RANBP17: variants seen among roughly 807,000 people sequenced by gnomAD.
The protein encoded by RANBP17 is RAN binding protein 17.
Under a neutral mutation model 141.2 loss-of-function variants are expected in RANBP17, and 158 were observed. The observed-to-expected ratio is 1.12, with a 90% CI of 0.98 to 1.28. The LOEUF is 1.28. Among genes scored for constraint, RANBP17 ranks in the 50% most tolerant of loss-of-function variants. The pLI is 0.00. For missense variants in RANBP17, 1,438 were observed against 1,290.7 expected, an observed-to-expected ratio of 1.11 and a Z score of -1.75; for synonymous variants, 430 against 450.0, an observed-to-expected ratio of 0.96 and a Z score of 0.56.
intron 24 of RANBP17, among the ~76,000 whole-genome samples, chr5:171,251,508 G>A (rs1228021016): frequency 6.6e-6 from 1 of 150,620 alleles, no homozygotes; most frequent in Admixed American, 6.6e-5. Flanking sequence ...ACACGCTCCC[G>A]GATAATCATT....
At chr5:170,862,670 GCGCGGGCGCGGA>G (rs936879637) in intron 1 of RANBP17, among the ~76,000 whole-genome samples, 1 of 152,170 alleles carries the variant, frequency 6.6e-6, no homozygotes, top group African/African-American at 2.4e-5. Flanking sequence ...CCGGGCGCGG[GCGCGGGCGCGGA>G]CGCGAGGATC....
At chr5:170,927,833 A>G (rs547077418) in intron 12 of RANBP17, among the ~76,000 whole-genome samples, 1 of 152,178 alleles carries the variant, frequency 6.6e-6, no homozygotes, top group African/African-American at 2.4e-5. Context: ...TGTTATTAAC[A>G]TTTTTAGACA....
chr5:171,224,921 C>T (rs1214396323), intron 22 of RANBP17, among the ~76,000 whole-genome samples: 2 of 152,150 alleles, frequency 1.3e-5, no homozygotes, highest in African/African-American at 4.8e-5. Context: ...TTAATATGAC[C>T]TTGGTTAAGT....
intron 5 of RANBP17, 157 bp downstream of exon 5, chr5:170,896,272 C>A: frequency 3.5e-6 from 2 of 575,348 alleles, no homozygotes; most frequent in South Asian, 2.4e-5. Flanking sequence ...TATTGATGGG[C>A]TAATTAAGTG....
At chr5:171,122,403 A>G (rs1231013881) in intron 14 of RANBP17, among the ~76,000 whole-genome samples, 1 of 152,182 alleles carries the variant, frequency 6.6e-6, no homozygotes, top group Non-Finnish European at 1.5e-5. Context: ...ATGGCTGACT[A>G]CAGGTGCCCT....
chr5:170,905,898 A>C (rs1771038613), intron 5 of RANBP17, among the ~76,000 whole-genome samples: 1 of 152,140 alleles, frequency 6.6e-6, no homozygotes, highest in Non-Finnish European at 1.5e-5. Flanking sequence ...TTAGATTATC[A>C]CTGAAATAAG....
intron 7 of RANBP17, 175 bp downstream of exon 7, chr5:170,911,309 T>C: frequency 1.6e-6 from 1 of 609,916 alleles, no homozygotes; most frequent in Non-Finnish European, 2.9e-6. Context: ...TAATTCATAT[T>C]ATAGTAACTT....
At chr5:171,065,954 G>A (rs752140134) in intron 14 of RANBP17, among the ~76,000 whole-genome samples, 14 of 151,686 alleles carry the variant, frequency 9.2e-5, no homozygotes, top group South Asian at 4.2e-4. Context: ...TCTGCCTCCC[G>A]GGTTCAAGTG....
Position 171,004,175 on chromosome 5 carries a change from G to A in RANBP17, c.1710+35798G>A, listed in dbSNP as rs574950210. Among the ~76,000 whole-genome samples, 32 of 152,160 alleles carry A rather than the reference G, an allele frequency of 2.1e-4. No individual in the cohort carries two copies. In the South Asian group the frequency reaches 6.2e-3, roughly 30 times the overall value. On this transcript the variant is annotated intron_variant, in intron 14 of 27. Coordinates refer to ENST00000523189, the MANE Select transcript of RANBP17 (RefSeq NM_022897.5). ...GGGTAAGGGTGATTAGGTTTCAATG[G>A]GATAGTAATGGGCGTGTGATCGGTT...
chr5:170,907,731 A>G (rs549120637), intron 5 of RANBP17, among the ~76,000 whole-genome samples: 38 of 152,150 alleles, frequency 2.5e-4, no homozygotes, highest in Admixed American at 6.6e-4. Context: ...GAAATAATAT[A>G]TGAAGAATAC....
rs372457333 is a variant in RANBP17, at chr5:171,205,502, T to C, written c.2143-22T>C. 2.2e-3 allele frequency: 3,605 copies of C among 1,603,772 alleles called. 112 individuals are homozygous for C. In the South Asian group the frequency reaches 0.038, roughly 17 times the overall value. On this transcript the variant is annotated intron_variant, in intron 19 of 27. Transcript: ENST00000523189. ...CTGCGCTAACGTGAAAATCAATTAC[T>C]GTGTCTCTTTCCCACTGACAGCGTA...
chr5:170,891,549 A>G (rs1460117925), intron 3 of RANBP17, among the ~76,000 whole-genome samples: 2 of 152,186 alleles, frequency 1.3e-5, no homozygotes, highest in Non-Finnish European at 2.9e-5. Context: ...AAGAGGTTTA[A>G]TTGGCTCATG....
chr5:171,004,699 T>C (rs1359020233), intron 14 of RANBP17, among the ~76,000 whole-genome samples: 1 of 152,064 alleles, frequency 6.6e-6, no homozygotes, highest in African/African-American at 2.4e-5. Flanking sequence ...TCAAGGAATG[T>C]TGGGTTTGGG....
intron 5 of RANBP17, among the ~76,000 whole-genome samples, chr5:170,909,237 T>C (rs913173873): frequency 6.6e-6 from 1 of 152,014 alleles, no homozygotes; most frequent in Non-Finnish European, 1.5e-5. Context: ...ACATATATGG[T>C]ACATATAGGA....
At chr5:171,192,178 A>G (rs971189466) in intron 18 of RANBP17, among the ~76,000 whole-genome samples, 8 of 152,208 alleles carry the variant, frequency 5.3e-5, no homozygotes, top group Non-Finnish European at 1.5e-5. Flanking sequence ...ACATCAATGT[A>G]TCAACTGTGT....
chr5:170,869,642 G>C (rs1043249199), intron 1 of RANBP17, among the ~76,000 whole-genome samples: 1 of 151,988 alleles, frequency 6.6e-6, no homozygotes, highest in African/African-American at 2.4e-5. Flanking sequence ...ATCTTCATAT[G>C]GTCTTCCCTG....
intron 25 of RANBP17, among the ~76,000 whole-genome samples, chr5:171,277,938 CTT>C (rs140208253): frequency 2.0e-3 from 145 of 72,224 alleles, no homozygotes; most frequent in African/African-American, 5.6e-3. Context: ...GGACTTCTTT[CTT>C]TTTTTTTTTT....
chr5:170,926,921 A>G (rs997050126), intron 12 of RANBP17, among the ~76,000 whole-genome samples: 6 of 152,064 alleles, frequency 3.9e-5, no homozygotes, highest in African/African-American at 7.2e-5. Context: ...TTAGTGTTTT[A>G]TAGCTATTTT....
chr5:171,055,128 C>T (rs1423359154), intron 14 of RANBP17, among the ~76,000 whole-genome samples: 1 of 152,176 alleles, frequency 6.6e-6, no homozygotes, highest in Admixed American at 6.6e-5. Context: ...GTAAAGAGAG[C>T]TTTCCATGAA....
Sources: allele counts gnomAD v4.1 joint callset (sites outside exome capture counted in the v4.1 genomes callset), GRCh38; gene constraint gnomAD v4.1.1; transcripts MANE v1.5; gene names NCBI Gene and HGNC (gene_info 2026-07-23, HGNC 2026-07-21).